The following FGF12 variants were observed in gnomAD, a reference collection of about 807,000 sequenced individuals.
FGF12 encodes fibroblast growth factor 12, also known as fibroblast growth factor 12B.
A neutral mutation model predicts 23.6 loss-of-function variants in FGF12; 14 were observed. The observed-to-expected ratio is 0.59, with a 90% CI of 0.39 to 0.93. FGF12 has a LOEUF of 0.93. Ranked by LOEUF, FGF12 falls within the 40% of genes least tolerant of loss-of-function variation. The probability of loss-of-function intolerance (pLI) is 0.00; values close to 1 mark genes in which losing one functional copy is unlikely to be tolerated. For missense variants in FGF12, 175 were observed against 217.8 expected, an observed-to-expected ratio of 0.80 and a Z score of 1.24; for synonymous variants, 62 against 77.3, an observed-to-expected ratio of 0.80 and a Z score of 1.04.
intron 2 of FGF12, among the ~76,000 whole-genome samples, chr3:192,487,594 G>T (rs1367883245): frequency 6.6e-6 from 1 of 152,082 alleles, no homozygotes; most frequent in Non-Finnish European, 1.5e-5. Context: ...CCTTTGAGGG[G>T]CAGGGTATTG....
chr3:192,174,281 G>T (rs1288752108), intron 4 of FGF12, among the ~76,000 whole-genome samples: 3 of 152,184 alleles, frequency 2.0e-5, no homozygotes, highest in Admixed American at 6.5e-5. Flanking sequence ...ACAGAAGCTG[G>T]AGTCCTGGGG....
In FGF12 at chr3:192,514,390, C is replaced by T. The variant is rs1724591983; in HGVS notation, c.14-153852G>A. Among the ~76,000 whole-genome samples the T allele has an allele frequency of 6.6e-6, 1 of 152,236 alleles. No individual in the cohort carries two copies. The highest frequency in any genetic ancestry group is 1.5e-5 in the Non-Finnish European group (1 of 68,048). On this transcript the variant is annotated intron_variant, in intron 2 of 5. Coordinates refer to ENST00000445105, the MANE Select transcript of FGF12 (RefSeq NM_004113.6). The surrounding 1 kb of genome is among the most constrained non-coding windows in gnomAD (Gnocchi z 4.9). ...GTGCGAACGCAGGTCACGGCCAGCG[C>T]CGCTTGGAGAGAGACCCGCAGGTTT...
intron 2 of FGF12, among the ~76,000 whole-genome samples, chr3:192,665,374 A>C (rs1363573657): frequency 1.3e-5 from 2 of 152,180 alleles, no homozygotes; most frequent in Admixed American, 6.6e-5. Flanking sequence ...ATAAGTGATA[A>C]ACCTGAAATC....
At chr3:192,395,762 A>C (rs1032892093) in intron 2 of FGF12, among the ~76,000 whole-genome samples, 2 of 152,234 alleles carry the variant, frequency 1.3e-5, no homozygotes, top group Non-Finnish European at 2.9e-5. Context: ...GGATCTGAGA[A>C]GATCTGGCAG....
At position 192,512,835 on chromosome 3, in the gene FGF12, A is replaced by AATATATAT. The variant is rs773570110; in HGVS notation, c.14-152305_14-152298dup. Among the ~76,000 whole-genome samples the AATATATAT allele has an allele frequency of 6.3e-4, 48 of 76,766 alleles. 3 individuals carry two copies. The highest frequency in any genetic ancestry group is 2.6e-3 in the African/African-American group (40 of 15,686). 50.4% of individuals were successfully genotyped at this position (76,766 alleles called of 152,430 possible). On this transcript the variant is annotated intron_variant, in intron 2 of 5. Transcript: ENST00000445105. ...GTTAAACCTAGAGTATACTCAAATA[A>AATATATAT]ATATATATATATATATATATATATA...
At chr3:192,346,173 C>A (rs1360121606) in intron 3 of FGF12, among the ~76,000 whole-genome samples, 1 of 152,136 alleles carries the variant, frequency 6.6e-6, no homozygotes, top group Admixed American at 6.6e-5. Flanking sequence ...GCATTTTACT[C>A]ATTGCTCAAT....
In FGF12 at chr3:192,148,245, G is replaced by A. The variant is rs1413708369; in HGVS notation, c.428-4118C>T. ...TGACAAATGAATGGGTAAATATAATGTGGCCTATACATATAATGAAATATT... is the reference window on the plus strand; with the variant it reads ...TGACAAATGAATGGGTAAATATAATATGGCCTATACATATAATGAAATATT... On this transcript the variant is annotated intron_variant, in intron 5 of 5. Coordinates refer to ENST00000445105, the MANE Select transcript of FGF12 (RefSeq NM_004113.6). Among the ~76,000 whole-genome samples the A allele has an allele frequency of 3.3e-5, 5 of 152,320 alleles. No homozygotes were observed. In the East Asian group the frequency reaches 9.6e-4, roughly 29 times the overall value.
At chr3:192,559,127 C>G (rs908264403) in intron 2 of FGF12, among the ~76,000 whole-genome samples, 1 of 151,546 alleles carries the variant, frequency 6.6e-6, no homozygotes, top group East Asian at 1.9e-4. Context: ...AAGCTTCTGC[C>G]CAGCAAAGAA....
rs75349161 is a variant in FGF12, at chr3:192,549,667, T to C, written c.13+177514A>G. 5.3e-5 allele frequency among the ~76,000 whole-genome samples: 8 copies of C among 152,262 alleles called. No homozygotes were observed. In the East Asian group the frequency reaches 1.5e-3, roughly 29 times the overall value. ...GAATCAGTAGATAGAGTAAAACAGATTGCTTTTCATAGTGTGGGTGGGCCT... is the reference window on the plus strand; with the variant it reads ...GAATCAGTAGATAGAGTAAAACAGACTGCTTTTCATAGTGTGGGTGGGCCT... On this transcript the variant is annotated intron_variant, in intron 2 of 5. Transcript: ENST00000445105.
rs1718670327 is a variant in FGF12 at position 192,360,510 on chromosome 3, C to G, written c.42G>C (p.Arg14Ser). Reference sequence around the variant, plus strand: ...GGAAGTATCCCTGCTGGCTGAATAACCTTGTCACAATCCCTTTGAGCTGGG... The same window carrying G: ...GGAAGTATCCCTGCTGGCTGAATAAGCTTGTCACAATCCCTTTGAGCTGGG... ...KEPQLKGIVT[R>S]LFSQQGYFLQ... is the part of the protein sequence containing the mutation. The change falls in exon 3 of 6, where the codon AGG becomes AGC. Residue 14 changes from arginine to serine, a missense_variant. Transcript: ENST00000445105. The surrounding 1 kb of genome is among the most constrained non-coding windows in gnomAD (Gnocchi z 4.3). 6.2e-7 allele frequency: 1 copy of G among 1,613,856 alleles called. No homozygotes were observed. The highest frequency in any genetic ancestry group is 8.5e-7 in the Non-Finnish European group (1 of 1,179,798).
At chr3:192,513,904 TTAGAGA>T (rs1279243916) in intron 2 of FGF12, among the ~76,000 whole-genome samples, 9 of 152,272 alleles carry the variant, frequency 5.9e-5, no homozygotes, top group Middle Eastern at 3.4e-3. Context: ...TTATAAACAA[TTAGAGA>T]TAGACAATGG....
chr3:192,171,684 C>T (rs895799125), intron 4 of FGF12, among the ~76,000 whole-genome samples: 19 of 152,200 alleles, frequency 1.2e-4, no homozygotes, highest in Admixed American at 5.2e-4. Flanking sequence ...ACATGTCAGA[C>T]ATATTCACCA....
At chr3:192,309,495 C>A (rs566362881) in intron 4 of FGF12, among the ~76,000 whole-genome samples, 1 of 152,202 alleles carries the variant, frequency 6.6e-6, no homozygotes, top group Non-Finnish European at 1.5e-5. Flanking sequence ...CCTTTGCCTT[C>A]AAGATGCTGA....
At chr3:192,570,297 T>C (rs1248060094) in intron 2 of FGF12, among the ~76,000 whole-genome samples, 1 of 152,126 alleles carries the variant, frequency 6.6e-6, no homozygotes, top group Non-Finnish European at 1.5e-5. Context: ...GAAATCCAAG[T>C]AGAGAGCTCC....
At chr3:192,451,904 C>T (rs1267521289) in intron 2 of FGF12, among the ~76,000 whole-genome samples, 1 of 152,108 alleles carries the variant, frequency 6.6e-6, no homozygotes. Context: ...CCTGGTGATG[C>T]GTAAAGAGTT....
intron 2 of FGF12, among the ~76,000 whole-genome samples, chr3:192,684,182 AC>A (rs1239158561): frequency 6.6e-6 from 1 of 152,196 alleles, no homozygotes; most frequent in African/African-American, 2.4e-5. Flanking sequence ...TAATTCTGAC[AC>A]AGGCGATCTG....
intron 4 of FGF12, among the ~76,000 whole-genome samples, chr3:192,224,852 T>TA (rs1473398914): frequency 1.1e-4 from 17 of 152,174 alleles, no homozygotes; most frequent in Admixed American, 1.1e-3. Context: ...GACCTCTTCT[T>TA]ACGCTAGTAG....
rs1553831644 is a variant in FGF12 at position 192,567,783 on chromosome 3, T to TTCTTTCTG, written c.13+159397_13+159398insCAGAAAGA. Among the ~76,000 whole-genome samples the TTCTTTCTG allele has an allele frequency of 1.0e-4, 14 of 135,466 alleles. No individual in the cohort carries two copies. The East Asian group carries it at 2.4e-3, about 23-fold the overall frequency. The allele number at this position is 135,466 out of a possible 152,430, so 88.9% of individuals were successfully genotyped here. On this transcript the variant is annotated intron_variant, in intron 2 of 5. Coordinates refer to ENST00000445105, the MANE Select transcript of FGF12 (RefSeq NM_004113.6). ...TTTCTTTCTTTCTTTCTTTCTTTCT[T>TTCTTTCTG]TCTTTCTTTCTTTCTTTCTCTTTCT...
At chr3:192,642,188 C>T (rs935020161) in intron 2 of FGF12, among the ~76,000 whole-genome samples, 16 of 149,780 alleles carry the variant, frequency 1.1e-4, no homozygotes, top group Admixed American at 6.6e-4. Flanking sequence ...TCAGTCTTTA[C>T]TGTCTGTCTC....
Sources: gnomAD v4.1 joint callset for allele counts (sites outside exome capture counted in the v4.1 genomes callset) on GRCh38, gnomAD v4.1.1 for gene constraint, Gnocchi (gnomAD v3.1) non-coding constraint, MANE v1.5 for transcripts, NCBI Gene and HGNC (gene_info 2026-07-23, HGNC 2026-07-21) for gene names.